The following SUGCT variants were observed in gnomAD, a reference collection of about 807,000 sequenced individuals.
SUGCT encodes the protein succinyl-CoA:glutarate-CoA transferase.
In SUGCT, 41 loss-of-function variants were observed where a neutral mutation model predicts 55.0. The observed-to-expected ratio is 0.74, with a 90% CI of 0.58 to 0.97. SUGCT has a LOEUF of 0.97. Ranked by LOEUF, SUGCT falls within the 50% of genes least tolerant of loss-of-function variation. SUGCT has a pLI of 0.00. For missense variants in SUGCT, 568 were observed against 547.8 expected, an observed-to-expected ratio of 1.04 and a Z score of -0.37; for synonymous variants, 187 against 200.4, an observed-to-expected ratio of 0.93 and a Z score of 0.56.
Position 40,194,968 on chromosome 7 carries a change from A to G in SUGCT, c.392A>G (p.Glu131Gly), listed in dbSNP as rs1210545789. ...ELAAVCDVFV[E>G]NYVPGKLSAM... is the part of the protein sequence containing the mutation. ...GCAGCTGTTTGTGATGTGTTTGTGG[A>G]AAACTATGTCCCTGGCAAACTGTCT... The change falls in exon 6 of 14, where the codon GAA becomes GGA. Residue 131 changes from glutamate to glycine, a missense_variant. Glu to Gly is a moderately conservative substitution (Grantham distance 98). Coordinates refer to ENST00000335693, the MANE Select transcript of SUGCT (RefSeq NM_001193313.2). The G allele has an allele frequency of 3.1e-6, 5 of 1,613,546 alleles. No individual in the cohort carries two copies. The highest frequency in any genetic ancestry group is 3.3e-5 in the Admixed American group (2 of 59,992).
At chr7:40,404,847 C>G (rs946935146) in intron 9 of SUGCT, among the ~76,000 whole-genome samples, 1 of 152,168 alleles carries the variant, frequency 6.6e-6, no homozygotes, top group East Asian at 1.9e-4. Context: ...AAAGCCTGTT[C>G]AGTATGATTC....
At chr7:40,553,192 G>A (rs1362771860) in intron 12 of SUGCT, among the ~76,000 whole-genome samples, 1 of 152,120 alleles carries the variant, frequency 6.6e-6, no homozygotes, top group African/African-American at 2.4e-5. Context: ...TGCTGTATAC[G>A]TTCTCTCTTC....
At chr7:40,287,769 G>A (rs1041994291) in intron 8 of SUGCT, among the ~76,000 whole-genome samples, 1 of 152,066 alleles carries the variant, frequency 6.6e-6, no homozygotes, top group African/African-American at 2.4e-5. Flanking sequence ...AAAGTGCTGG[G>A]ATTACAAGCA....
At chr7:40,381,646 G>A (rs952306938) in intron 9 of SUGCT, among the ~76,000 whole-genome samples, 2 of 152,028 alleles carry the variant, frequency 1.3e-5, no homozygotes, top group Admixed American at 6.6e-5. Context: ...GTGGTAGTGT[G>A]GATGTAATGA....
chr7:40,757,221 C>T (rs1173305944), intron 13 of SUGCT, among the ~76,000 whole-genome samples: 2 of 152,094 alleles, frequency 1.3e-5, no homozygotes, highest in South Asian at 2.1e-4. Context: ...ACAAAGGAGG[C>T]GTGAATTGCA....
At position 40,571,756 on chromosome 7, in the gene SUGCT, G is replaced by A. The variant is rs186649551; in HGVS notation, c.1089+75370G>A. 5.2e-3 allele frequency among the ~76,000 whole-genome samples: 799 copies of A among 152,212 alleles called. 1 individual carries two copies. The highest frequency in any genetic ancestry group is 0.01 in the Middle Eastern group (3 of 294). On this transcript the variant is annotated intron_variant, in intron 12 of 13. Transcript: ENST00000335693. ...CTGTCTTCAGAAAAGCTTTTATCAG[G>A]CACCAGTTGCTTAAAACTAAAGTGT...
chr7:40,165,819 A>G (rs748032352), intron 1 of SUGCT, among the ~76,000 whole-genome samples: 8 of 152,190 alleles, frequency 5.3e-5, no homozygotes, highest in Admixed American at 3.3e-4. Context: ...AATGATGATA[A>G]TCATAACAAT....
intron 9 of SUGCT, among the ~76,000 whole-genome samples, chr7:40,399,803 C>T (rs1030138972): frequency 2.6e-5 from 4 of 152,208 alleles, no homozygotes; most frequent in Non-Finnish European, 4.4e-5. Flanking sequence ...GAGCACATCA[C>T]TACTTTACTC....
chr7:40,783,159 A>T (rs972798662), intron 13 of SUGCT, among the ~76,000 whole-genome samples: 1 of 152,120 alleles, frequency 6.6e-6, no homozygotes, highest in African/African-American at 2.4e-5. Context: ...TTTTGTGACA[A>T]ACTCTGGGTA....
chr7:40,410,975 G>A (rs1214159955), intron 9 of SUGCT, among the ~76,000 whole-genome samples: 2 of 152,128 alleles, frequency 1.3e-5, no homozygotes, highest in Non-Finnish European at 2.9e-5. Context: ...AGCACAAAAA[G>A]GGTTAGATTT....
At chr7:40,972,242 A>G in the SUGCT span, among the ~76,000 whole-genome samples, 1 of 152,228 alleles carries the variant, frequency 6.6e-6, no homozygotes, top group Non-Finnish European at 1.5e-5. Context: ...ATGTACCACA[A>G]TTAACTTAAC....
At position 40,623,146 on chromosome 7, in the gene SUGCT, A is replaced by G. The variant is rs549446247; in HGVS notation, c.1090-126288A>G. Among the ~76,000 whole-genome samples, 299 of 152,304 alleles carry G rather than the reference A, an allele frequency of 2.0e-3. 1 individual carries two copies. The highest frequency in any genetic ancestry group is 6.9e-3 in the African/African-American group (287 of 41,560). ...TATGGAACCACTCCTTGGTGCCACA[A>G]GGGAAGGCTACACTTCATTATCTCT... On this transcript the variant is annotated intron_variant, in intron 12 of 13. Transcript: ENST00000335693.
At chr7:40,307,589 C>T (rs1293413756) in intron 8 of SUGCT, among the ~76,000 whole-genome samples, 1 of 152,154 alleles carries the variant, frequency 6.6e-6, no homozygotes, top group African/African-American at 2.4e-5. Context: ...CATAGTACCT[C>T]TCCCATAAAA....
At chr7:40,593,906 C>T (rs892012015) in intron 12 of SUGCT, among the ~76,000 whole-genome samples, 1 of 152,072 alleles carries the variant, frequency 6.6e-6, no homozygotes, top group Admixed American at 6.5e-5. Context: ...TTCACAATAG[C>T]AAAGACTTGG....
At chr7:40,693,052 G>A (rs921676797) in intron 12 of SUGCT, among the ~76,000 whole-genome samples, 2 of 152,144 alleles carry the variant, frequency 1.3e-5, no homozygotes, top group South Asian at 4.1e-4. Flanking sequence ...GTCTCCTGGA[G>A]GGTCATCAGG....
At chr7:40,336,715 A>AT (rs1273834182) in intron 9 of SUGCT, among the ~76,000 whole-genome samples, 6 of 151,992 alleles carry the variant, frequency 3.9e-5, no homozygotes, top group Admixed American at 1.3e-4. Context: ...GGATTCATTG[A>AT]TTTTTTGAAG....
At chr7:40,920,300 G>A in the SUGCT span, among the ~76,000 whole-genome samples, 542 of 152,210 alleles carry the variant, frequency 3.6e-3, 3 homozygotes, top group African/African-American at 9.7e-3. Flanking sequence ...TATTTCTCCC[G>A]TTGAATTGGC....
chr7:40,511,172 G>C (rs896103688), intron 12 of SUGCT, among the ~76,000 whole-genome samples: 13 of 152,144 alleles, frequency 8.5e-5, no homozygotes, highest in Non-Finnish European at 1.8e-4. Context: ...GCTTAACCAA[G>C]TCATCATACA....
At chr7:40,365,464 A>G (rs1783897163) in intron 9 of SUGCT, among the ~76,000 whole-genome samples, 1 of 152,106 alleles carries the variant, frequency 6.6e-6, no homozygotes. Context: ...GAAAAGAGGA[A>G]GTCAAATTGT....
Sources: gnomAD v4.1 joint callset for allele counts (sites outside exome capture counted in the v4.1 genomes callset) on GRCh38, gnomAD v4.1.1 for gene constraint, MANE v1.5 for transcripts, NCBI Gene and HGNC (gene_info 2026-07-23, HGNC 2026-07-21) for gene names.